The following GALNTL6 variants were observed in gnomAD, a reference collection of about 807,000 sequenced individuals.
GALNTL6 encodes the protein polypeptide N-acetylgalactosaminyltransferase like 6.
In GALNTL6, 46 loss-of-function variants were observed where a neutral mutation model predicts 73.7. The observed-to-expected ratio is 0.62, with a 90% CI of 0.49 to 0.80. GALNTL6 has a LOEUF of 0.80. Among genes scored for constraint, GALNTL6 ranks in the 30% least tolerant of loss-of-function variants. GALNTL6 has a pLI of 0.00. For missense variants in GALNTL6, 604 were observed against 755.0 expected, an observed-to-expected ratio of 0.80 and a Z score of 2.34; for synonymous variants, 259 against 263.7, an observed-to-expected ratio of 0.98 and a Z score of 0.17.
intron 5 of GALNTL6, among the ~76,000 whole-genome samples, chr4:172,699,881 C>G (rs903260300): frequency 5.3e-5 from 8 of 151,896 alleles, no homozygotes; most frequent in Non-Finnish European, 1.0e-4. Context: ...AAAGGATAGA[C>G]CAAATATCAA....
intron 3 of GALNTL6, among the ~76,000 whole-genome samples, chr4:172,257,036 C>T (rs1196611643): frequency 2.0e-5 from 3 of 151,272 alleles, no homozygotes; most frequent in Non-Finnish European, 3.0e-5. Context: ...ATGACGTCAG[C>T]ATAATGCAAA....
In GALNTL6 at chr4:172,539,906, T is replaced by A. The variant is rs1052188519; in HGVS notation, c.553+191217T>A. Among the ~76,000 whole-genome samples the A allele has an allele frequency of 2.4e-3, 266 of 109,634 alleles. 2 individuals are homozygous for A. Among genetic ancestry groups the A allele is most frequent in the African/African-American group, 9.8e-3 (232 of 23,592 alleles). The allele number at this position is 109,634 out of a possible 152,430, so 71.9% of individuals were successfully genotyped here. ...ATATATATATATATATATATATATATAAAAAATCTCATTTAATTTTCATGA... is the reference window on the plus strand; with the variant it reads ...ATATATATATATATATATATATATAAAAAAAATCTCATTTAATTTTCATGA... On this transcript the variant is annotated intron_variant, in intron 5 of 12. Coordinates refer to ENST00000506823, the MANE Select transcript of GALNTL6 (RefSeq NM_001034845.3).
intron 5 of GALNTL6, chr4:172,666,685 G>C (rs1218116120): frequency 6.6e-6 from 1 of 152,056 alleles, no homozygotes; most frequent in East Asian, 1.9e-4. Context: ...CCCTGAATGA[G>C]AACCTAGTTT....
chr4:172,435,723 A>G (rs928473582), intron 5 of GALNTL6, among the ~76,000 whole-genome samples: 1 of 152,162 alleles, frequency 6.6e-6, no homozygotes, highest in African/African-American at 2.4e-5. Context: ...TGTACATGGG[A>G]TATAACGAGT....
chr4:172,549,699 C>A (rs998410635), intron 5 of GALNTL6, among the ~76,000 whole-genome samples: 1 of 151,938 alleles, frequency 6.6e-6, no homozygotes, highest in Non-Finnish European at 1.5e-5. Flanking sequence ...TCTGAGTAAT[C>A]AATTTTTTAA....
intron 2 of GALNTL6, among the ~76,000 whole-genome samples, chr4:171,922,015 T>C (rs546712926): frequency 6.6e-6 from 1 of 152,050 alleles, no homozygotes; most frequent in African/African-American, 2.4e-5. Context: ...TGTAATTCTA[T>C]AATATTTACT....
At chr4:172,705,225 T>A (rs1274605675) in intron 5 of GALNTL6, among the ~76,000 whole-genome samples, 1 of 149,812 alleles carries the variant, frequency 6.7e-6, no homozygotes, top group East Asian at 1.9e-4. Context: ...TTTTTTTTTG[T>A]TTTATGGTTG....
intron 3 of GALNTL6, among the ~76,000 whole-genome samples, chr4:172,253,335 G>A (rs539864135): frequency 3.3e-5 from 5 of 151,944 alleles, no homozygotes; most frequent in African/African-American, 1.2e-4. Flanking sequence ...TGGATTGGGG[G>A]TGAGAAAGAT....
At position 172,694,650 on chromosome 4, in the gene GALNTL6, A is replaced by G. The variant is rs76934465; in HGVS notation, c.554-114711A>G. Among the ~76,000 whole-genome samples the G allele has an allele frequency of 8.7e-3, 1,323 of 152,340 alleles. 22 individuals carry two copies. The highest frequency in any genetic ancestry group is 0.03 in the African/African-American group (1,262 of 41,578). ...GGAAGCTTGGAAGAAACCAGAAAGC[A>G]CAAGGTCTTTAAGCAGAGACTGGAA... On this transcript the variant is annotated intron_variant, in intron 5 of 12. Coordinates refer to ENST00000506823, the MANE Select transcript of GALNTL6 (RefSeq NM_001034845.3).
At chr4:172,773,837 AG>A (rs1479358874) in intron 5 of GALNTL6, among the ~76,000 whole-genome samples, 2 of 152,180 alleles carry the variant, frequency 1.3e-5, no homozygotes, top group Admixed American at 6.5e-5. Flanking sequence ...AGAATGTGTT[AG>A]GGAAAAGTAT....
intron 2 of GALNTL6, among the ~76,000 whole-genome samples, chr4:171,918,807 T>C (rs1019699304): frequency 2.0e-5 from 3 of 152,054 alleles, no homozygotes; most frequent in Non-Finnish European, 4.4e-5. Flanking sequence ...ATATTTAGCC[T>C]TAAAAAAGAA....
intron 5 of GALNTL6, among the ~76,000 whole-genome samples, chr4:172,468,220 A>T (rs1732911130): frequency 6.6e-6 from 1 of 152,124 alleles, no homozygotes; most frequent in Non-Finnish European, 1.5e-5. Flanking sequence ...GATTTAAAAT[A>T]AGCTGTTGAA....
chr4:172,017,636 C>T (rs1035259877), intron 2 of GALNTL6, among the ~76,000 whole-genome samples: 2 of 152,088 alleles, frequency 1.3e-5, no homozygotes, highest in African/African-American at 2.4e-5. Context: ...CTGTGAGAAA[C>T]GACCCACCAG....
chr4:172,715,248 T>C (rs2111338332), intron 5 of GALNTL6, among the ~76,000 whole-genome samples: 1 of 152,240 alleles, frequency 6.6e-6, no homozygotes, highest in East Asian at 1.9e-4. Context: ...GCAACACTGG[T>C]GTATGTGGCG....
rs372023199 is a variant in GALNTL6, at chr4:172,955,440, G to A, written c.1371+3182G>A. ...TGCACTCCAGCCTGGGTGACAGAGTGAGACTGTCTCAAAATAAAAAGAAAA... is the reference window on the plus strand; with the variant it reads ...TGCACTCCAGCCTGGGTGACAGAGTAAGACTGTCTCAAAATAAAAAGAAAA... On this transcript the variant is annotated intron_variant, in intron 10 of 12. Coordinates refer to ENST00000506823, the MANE Select transcript of GALNTL6 (RefSeq NM_001034845.3). Among the ~76,000 whole-genome samples, 618 of 151,568 alleles carry A rather than the reference G, an allele frequency of 4.1e-3. 4 individuals are homozygous for A. The highest frequency in any genetic ancestry group is 0.014 in the African/African-American group (579 of 41,268).
At chr4:172,138,476 C>A (rs1440515953) in intron 2 of GALNTL6, among the ~76,000 whole-genome samples, 1 of 18,332 alleles carries the variant, frequency 5.5e-5, no homozygotes, top group Admixed American at 9.1e-4. Flanking sequence ...ACTTGGACTG[C>A]CTATATATAT....
chr4:172,083,531 C>T (rs1356718195), intron 2 of GALNTL6, among the ~76,000 whole-genome samples: 3 of 152,176 alleles, frequency 2.0e-5, no homozygotes, highest in Non-Finnish European at 4.4e-5. Flanking sequence ...GTATTTTCTA[C>T]CAGAAATAGA....
At chr4:172,997,023 G>T (rs955591459) in intron 10 of GALNTL6, among the ~76,000 whole-genome samples, 9 of 152,034 alleles carry the variant, frequency 5.9e-5, no homozygotes, top group Admixed American at 5.9e-4. Context: ...AGACTTCATT[G>T]TCATGTCTCC....
At chr4:172,667,735 G>A (rs1731750034) in intron 5 of GALNTL6, 1 of 152,242 alleles carries the variant, frequency 6.6e-6, no homozygotes. Flanking sequence ...GACATCTTTT[G>A]AATTCTGCCT....
Sources: allele counts gnomAD v4.1 joint callset (sites outside exome capture counted in the v4.1 genomes callset), GRCh38; gene constraint gnomAD v4.1.1; transcripts MANE v1.5; gene names NCBI Gene and HGNC (gene_info 2026-07-23, HGNC 2026-07-21).